Variants in AFAP1L2 observed in about 807,000 individuals in gnomAD.
AFAP1L2 encodes actin filament associated protein 1 like 2.
Under a neutral mutation model 99.3 loss-of-function variants are expected in AFAP1L2, and 46 were observed. The observed-to-expected ratio is 0.46, with a 90% CI of 0.37 to 0.59. AFAP1L2 has a LOEUF of 0.59. Ranked by LOEUF, AFAP1L2 falls within the 20% of genes least tolerant of loss-of-function variation. The pLI, the probability that AFAP1L2 is intolerant of heterozygous loss-of-function variation, is 0.00. For synonymous variants in AFAP1L2, 397 were observed against 419.1 expected (o/e 0.95, Z 0.64); for missense variants, 959 against 1,034.9 (o/e 0.93, Z 1.01).
chr10:114,318,824 T>C (rs1353311205), intron 5 of AFAP1L2, among the ~76,000 whole-genome samples: 1 of 151,328 alleles, frequency 6.6e-6, no homozygotes, highest in African/African-American at 2.4e-5. Flanking sequence ...AATAATTGTT[T>C]TTACCCCTAA....
At chr10:114,397,005 T>G (rs1443566064) in intron 1 of AFAP1L2, among the ~76,000 whole-genome samples, 1 of 152,150 alleles carries the variant, frequency 6.6e-6, no homozygotes, top group Non-Finnish European at 1.5e-5. Flanking sequence ...CAAGACTCAG[T>G]TGCTAATTAC....
At chr10:114,329,149 A>G (rs1030490771) in intron 4 of AFAP1L2, among the ~76,000 whole-genome samples, 2 of 152,220 alleles carry the variant, frequency 1.3e-5, no homozygotes, top group Admixed American at 6.5e-5. Context: ...CAACTGCCGC[A>G]CCAGTTCCTT....
chr10:114,335,622 A>AAG (rs2047851827), intron 2 of AFAP1L2, among the ~76,000 whole-genome samples: 1 of 151,886 alleles, frequency 6.6e-6, no homozygotes, highest in South Asian at 2.1e-4. Context: ...CAAAAAAAAA[A>AAG]AAAAAATTCA....
intron 18 of AFAP1L2, 29 bp from the exon 19 acceptor site, chr10:114,296,097 ACC>A: frequency 6.2e-7 from 1 of 1,613,884 alleles, no homozygotes; most frequent in Non-Finnish European, 8.5e-7. Flanking sequence ...ACCAGCACCC[ACC>A]CCCCACCAAA....
At chr10:114,307,136 T>C (rs2042571868) in intron 10 of AFAP1L2, among the ~76,000 whole-genome samples, 1 of 152,186 alleles carries the variant, frequency 6.6e-6, no homozygotes, top group African/African-American at 2.4e-5. Flanking sequence ...TCAGTTTCCC[T>C]GAGTATGAGC....
At chr10:114,281,694 G>A in the AFAP1L2 span, 4 of 980,596 alleles carry the variant, frequency 4.1e-6, no homozygotes, top group African/African-American at 7.0e-5. Flanking sequence ...CAGCACACCT[G>A]GGGTGGAGGG....
At chr10:114,300,150 A>C in intron 15 of AFAP1L2, 44 bp downstream of exon 15, 1 of 1,613,312 alleles carries the variant, frequency 6.2e-7, no homozygotes, top group Non-Finnish European at 8.5e-7. Context: ...GAGAACCCTG[A>C]CTAATACAGA....
chr10:114,357,337 T>G (rs2051531220), intron 1 of AFAP1L2, among the ~76,000 whole-genome samples: 1 of 152,198 alleles, frequency 6.6e-6, no homozygotes, highest in African/African-American at 2.4e-5. Flanking sequence ...CTACTCTTTC[T>G]CTGGTGTAAC....
chr10:114,379,462 T>C (rs924984286), intron 1 of AFAP1L2, among the ~76,000 whole-genome samples: 2 of 151,880 alleles, frequency 1.3e-5, no homozygotes, highest in East Asian at 3.9e-4. Context: ...TGATAAAAAA[T>C]AATAATAATA....
intron 2 of AFAP1L2, among the ~76,000 whole-genome samples, chr10:114,340,010 C>A (rs1249603698): frequency 1.4e-3 from 167 of 117,712 alleles, no homozygotes; most frequent in Non-Finnish European, 1.7e-3. Context: ...GACCCCGTCT[C>A]AAAAAAAAAA....
intron 1 of AFAP1L2, among the ~76,000 whole-genome samples, chr10:114,371,954 AT>A (rs968668028): frequency 3.3e-5 from 5 of 152,126 alleles, no homozygotes; most frequent in African/African-American, 1.2e-4. Context: ...AGTCTTCTAT[AT>A]TTTATCAAGG....
At position 114,314,092 on chromosome 10, in the gene AFAP1L2, C is replaced by T. The variant is rs751102998; in HGVS notation, c.613-42G>A. 43 of 1,579,090 alleles carry T rather than the reference C, an allele frequency of 2.7e-5. No homozygotes were observed. The Admixed American group carries it at 7.3e-4, about 27-fold the overall frequency. On this transcript the variant is annotated intron_variant, in intron 6 of 18. Coordinates refer to ENST00000304129, the MANE Select transcript of AFAP1L2 (RefSeq NM_001001936.3). ...AAGATACACCACTTTGCCAGGGGTG[C>T]CGGGCGGAGGTGATGTCTGCAAAGG...
the AFAP1L2 span, among the ~76,000 whole-genome samples, chr10:114,283,285 GCAGGCAGGGCAGCGAGCAGTTAGACACA>G: frequency 2.0e-5 from 3 of 150,842 alleles, no homozygotes; most frequent in Admixed American, 6.6e-5. Flanking sequence ...AGACACACAG[GCAGGCAGGGCAGCGAGCAGTTAGACACA>G]CAGGCAGGGT....
At chr10:114,369,354 C>T (rs996650538) in intron 1 of AFAP1L2, among the ~76,000 whole-genome samples, 9 of 152,046 alleles carry the variant, frequency 5.9e-5, no homozygotes, top group Non-Finnish European at 1.3e-4. Context: ...CGAGCACTTT[C>T]GGAGGCCGAG....
At chr10:114,298,781 C>T (rs2040650743) in intron 16 of AFAP1L2, among the ~76,000 whole-genome samples, 1 of 152,184 alleles carries the variant, frequency 6.6e-6, no homozygotes, top group African/African-American at 2.4e-5. Flanking sequence ...AGAAAGACTT[C>T]TTGGCAAGTA....
At chr10:114,305,037 GGC>G in intron 10 of AFAP1L2, 107 bp from the exon 11 acceptor site, 1 of 771,756 alleles carries the variant, frequency 1.3e-6, no homozygotes, top group Non-Finnish European at 2.0e-6. Context: ...GAGGGGGCGG[GGC>G]TGCGGGAGGG....
intron 1 of AFAP1L2, among the ~76,000 whole-genome samples, chr10:114,352,366 C>T (rs1009468034): frequency 1.4e-4 from 21 of 150,342 alleles, no homozygotes; most frequent in African/African-American, 4.6e-4. Context: ...CCCAGCTAGT[C>T]GGGAGGCTGA....
At chr10:114,303,752 G>A (rs140145670) in intron 11 of AFAP1L2, among the ~76,000 whole-genome samples, 1 of 152,284 alleles carries the variant, frequency 6.6e-6, no homozygotes, top group Admixed American at 6.5e-5. Context: ...AGTAGCTGGA[G>A]GAAGCATCTC....
At position 114,302,407 on chromosome 10, in the gene AFAP1L2, C is replaced by A; in HGVS notation, c.1362G>T (p.Glu454Asp). Residue 454 changes from glutamate (E) to aspartate (D), a missense_variant, in exon 12 of 19, where the codon GAG (glutamate) becomes GAT (aspartate). Around this residue, in one of 2 missense-constraint regions of AFAP1L2, gnomAD observed 576 missense variants for 562.1 expected, o/e 1.02. Transcript: ENST00000304129. ...SESGSKTDPE[E>D]FTYDYVDADR... ...CGGCATCCACATAGTCGTAGGTGAA[C>A]TCTTCTGGGTCTGTCTTGGAGCCTG... 1 of 1,614,196 alleles carries A rather than the reference C, an allele frequency of 6.2e-7. No individual in the cohort carries two copies. The highest frequency in any genetic ancestry group is 8.5e-7 in the Non-Finnish European group (1 of 1,180,036).
Sources: allele counts gnomAD v4.1 joint callset (sites outside exome capture counted in the v4.1 genomes callset), GRCh38; gene constraint gnomAD v4.1.1; regional missense constraint gnomAD v4.1.1; transcripts MANE v1.5; gene names NCBI Gene and HGNC (gene_info 2026-07-23, HGNC 2026-07-21).